Variants in RNF130 observed in about 807,000 individuals in gnomAD.
The protein encoded by RNF130 is ring finger protein 130, also known as E3 ubiquitin-protein ligase RNF130.
A neutral mutation model predicts 44.6 loss-of-function variants in RNF130; 21 were observed. The ratio of observed to expected loss-of-function variants is 0.47; its 90% CI spans 0.33 to 0.68. The LOEUF (loss-of-function observed/expected upper bound fraction) is 0.68. Among genes scored for constraint, RNF130 ranks in the 30% least tolerant of loss-of-function variants. The pLI is 0.02. For synonymous variants in RNF130, 214 were observed against 210.4 expected (o/e 1.02, Z -0.15); for missense variants, 479 against 560.6 (o/e 0.85, Z 1.47).
Position 179,977,901 on chromosome 5 carries a change from T to TA in RNF130, c.848+301dup, listed in dbSNP as rs536655090. ...ATAAAAGAAAACAAACATAAAAAGA[T>TA]AAACGAAACCATAGAACAAGAATTC... On this transcript the variant is annotated intron_variant, in intron 5 of 8. Coordinates refer to ENST00000521389, the MANE Select transcript of RNF130 (RefSeq NM_018434.6). This position sits in a 1 kb window ranked among gnomAD's most constrained non-coding sequence, Gnocchi z 4.1. Among the ~76,000 whole-genome samples, 4 of 152,188 alleles carry TA rather than the reference T, an allele frequency of 2.6e-5. No individual in the cohort carries two copies. Among genetic ancestry groups the TA allele is most frequent in the Non-Finnish European group, 5.9e-5 (4 of 67,998 alleles).
At chr5:179,922,296 G>A (rs1432128389) in intron 7 of RNF130, among the ~76,000 whole-genome samples, 2 of 151,904 alleles carry the variant, frequency 1.3e-5, no homozygotes, top group Admixed American at 6.6e-5. Flanking sequence ...AAAAAACTGG[G>A]CTTTTAAAAA....
At chr5:180,060,543 T>C (rs1052861575) in intron 1 of RNF130, among the ~76,000 whole-genome samples, 10 of 152,166 alleles carry the variant, frequency 6.6e-5, no homozygotes, top group Non-Finnish European at 1.2e-4. Context: ...CCCAGCAGCC[T>C]AGATTTTTAC....
intron 1 of RNF130, among the ~76,000 whole-genome samples, chr5:180,067,113 G>A (rs1370494186): frequency 6.6e-6 from 1 of 152,164 alleles, no homozygotes; most frequent in Non-Finnish European, 1.5e-5. Flanking sequence ...ATCTAGTCTT[G>A]AGGCCCAAAT....
At chr5:179,925,503 T>G (rs1486188059) in intron 7 of RNF130, among the ~76,000 whole-genome samples, 2 of 152,010 alleles carry the variant, frequency 1.3e-5, no homozygotes, top group East Asian at 1.9e-4. Flanking sequence ...TTTCTTCTGT[T>G]TTTTCATTTA....
In RNF130 at chr5:180,068,421, G is replaced by T. The variant is rs559527408; in HGVS notation, c.247+3035C>A. Among the ~76,000 whole-genome samples the T allele has an allele frequency of 9.0e-4, 137 of 152,262 alleles. 1 individual carries two copies. Among genetic ancestry groups the T allele is most frequent in the African/African-American group, 3.2e-3 (133 of 41,540 alleles). On this transcript the variant is annotated intron_variant, in intron 1 of 8. Transcript: ENST00000521389. ...ACCAGTTAAAATATAAAATGTGTTA[G>T]CCCCAGGCAAATGATTCTACACCCA... is the stretch of plus-strand genomic sequence containing the variant.
intron 3 of RNF130, among the ~76,000 whole-genome samples, chr5:180,008,632 C>T (rs545136629): frequency 6.6e-6 from 1 of 152,206 alleles, no homozygotes; most frequent in South Asian, 2.1e-4. Flanking sequence ...TGTCTGTAAT[C>T]CCAGCACTTT....
chr5:180,005,213 T>C (rs763635266), intron 3 of RNF130, among the ~76,000 whole-genome samples: 2 of 152,088 alleles, frequency 1.3e-5, no homozygotes, highest in South Asian at 2.1e-4. Flanking sequence ...GGATCACCTA[T>C]GGTCAGGAGT....
intron 7 of RNF130, among the ~76,000 whole-genome samples, chr5:179,936,655 T>C (rs1164557658): frequency 1.3e-5 from 2 of 152,194 alleles, no homozygotes; most frequent in Admixed American, 6.5e-5. Flanking sequence ...TACTTTAAAG[T>C]AAAGCATCTC....
At chr5:179,957,622 G>A (rs988305191) in intron 8 of RNF130, among the ~76,000 whole-genome samples, 16 of 152,156 alleles carry the variant, frequency 1.1e-4, no homozygotes, top group African/African-American at 3.1e-4. Flanking sequence ...GAGGTGCTGG[G>A]TTTGAATTCC....
chr5:180,040,569 T>C lies in RNF130; in HGVS notation c.326A>G (p.Gln109Arg), dbSNP rs752085757. ...PNIKQWIALL[Q>R]RGNCTFKEKI... ...CTCTTTAAACGTGCAGTTTCCCCTC[T>C]GCAGCAAGGCAATCCACTGTTTGAT... Residue 109 changes from glutamine to arginine, a missense_variant, in exon 2 of 9, where the codon CAG becomes CGG. By Grantham distance (43) the Gln-to-Arg change is conservative (BLOSUM62 1). Transcript: ENST00000521389. 6.2e-7 allele frequency: 1 copy of C among 1,614,216 alleles called. No individual in the cohort carries two copies. The highest frequency in any genetic ancestry group is 1.1e-5 in the South Asian group (1 of 91,086).
chr5:180,010,859 C>T (rs1763578196), intron 3 of RNF130, among the ~76,000 whole-genome samples: 1 of 152,082 alleles, frequency 6.6e-6, no homozygotes, highest in Non-Finnish European at 1.5e-5. Flanking sequence ...TAAAACTACA[C>T]AGACTAAAGA....
intron 1 of RNF130, among the ~76,000 whole-genome samples, chr5:180,050,569 T>C (rs747094528): frequency 3.2e-4 from 49 of 152,168 alleles, no homozygotes; most frequent in East Asian, 9.6e-4. Context: ...AGGTGAAACA[T>C]AGAATTCACC....
exon 8 of RNF130, chr5:179,912,780 T>C (rs1409788589): frequency 6.6e-6 from 1 of 152,264 alleles, no homozygotes; most frequent in Non-Finnish European, 1.5e-5. Flanking sequence ...CTCCCAGTCA[T>C]TGGAGAAGTC....
chr5:180,021,359 C>A (rs1471336270), intron 2 of RNF130, among the ~76,000 whole-genome samples: 1 of 152,088 alleles, frequency 6.6e-6, no homozygotes, highest in African/African-American at 2.4e-5. Flanking sequence ...CTGAATAAAC[C>A]TGTTTTTCAT....
At chr5:180,040,375 G>A (rs1199392068) in intron 2 of RNF130, 78 bp downstream of exon 2, 2 of 1,315,940 alleles carry the variant, frequency 1.5e-6, no homozygotes, top group Non-Finnish European at 2.1e-6. Context: ...CATGGCTTCA[G>A]CAGAGGCAGA....
chr5:179,979,583 C>T (rs898265525), intron 4 of RNF130, among the ~76,000 whole-genome samples: 94 of 152,110 alleles, frequency 6.2e-4, no homozygotes, highest in African/African-American at 2.1e-3. Flanking sequence ...GTCCTTCTAG[C>T]GGAGAAGCAG....
At chr5:179,988,750 C>T (rs955280914) in intron 3 of RNF130, among the ~76,000 whole-genome samples, 15 of 152,158 alleles carry the variant, frequency 9.9e-5, no homozygotes, top group African/African-American at 1.4e-4. Flanking sequence ...TTCTAAGATG[C>T]ATGATATGAT....
exon 8 of RNF130, chr5:179,920,088 A>G (rs1264262472): frequency 2.2e-6 from 1 of 453,114 alleles, no homozygotes; most frequent in African/African-American, 1.9e-5. Context: ...ACCTTCAATG[A>G]TCAGCTTGGG....
chr5:180,070,992 A>C (rs1765244595), intron 1 of RNF130, among the ~76,000 whole-genome samples: 1 of 141,838 alleles, frequency 7.1e-6, no homozygotes, highest in African/African-American at 2.7e-5. Context: ...CCCCCCCCCC[A>C]ATTTACCACT....
Sources: gnomAD v4.1 joint callset for allele counts (sites outside exome capture counted in the v4.1 genomes callset) on GRCh38, gnomAD v4.1.1 for gene constraint, Gnocchi (gnomAD v3.1) non-coding constraint, MANE v1.5 for transcripts, NCBI Gene and HGNC (gene_info 2026-07-23, HGNC 2026-07-21) for gene names.